Variants in CNIH3 observed in about 807,000 individuals in gnomAD.
The protein encoded by CNIH3 is cornichon family AMPA receptor auxiliary protein 3.
Under a neutral mutation model 24.1 loss-of-function variants are expected in CNIH3, and 14 were observed. That is an observed-to-expected ratio of 0.58 (90% CI 0.38 to 0.91). The LOEUF (loss-of-function observed/expected upper bound fraction) is 0.91. CNIH3 is among the 40% of genes least tolerant of loss of function. The probability of loss-of-function intolerance (pLI) is 0.00; values close to 1 mark genes in which losing one functional copy is unlikely to be tolerated. For missense variants in CNIH3, 178 were observed against 196.8 expected (o/e 0.90, Z 0.57); for synonymous variants, 68 against 73.8 (o/e 0.92, Z 0.40).
At chr1:224,455,396 T>C (rs1408196713) in intron 1 of CNIH3, among the ~76,000 whole-genome samples, 1 of 152,196 alleles carries the variant, frequency 6.6e-6, no homozygotes, top group Non-Finnish European at 1.5e-5. Context: ...CAGTGAAGTC[T>C]GTCTTGGCCT....
intron 5 of CNIH3, among the ~76,000 whole-genome samples, chr1:224,583,921 C>T (rs1198070359): frequency 6.6e-6 from 1 of 152,186 alleles, no homozygotes; most frequent in African/African-American, 2.4e-5. Context: ...TGATATTAGA[C>T]CAGTCGCTGC....
chr1:224,517,983 C>T (rs1447069971), intron 1 of CNIH3, among the ~76,000 whole-genome samples: 3 of 152,174 alleles, frequency 2.0e-5, no homozygotes, highest in South Asian at 2.1e-4. Flanking sequence ...CTTGATAAAC[C>T]GAGCGATCCT....
chr1:224,588,377 A>G (rs1681599005), exon 6 of CNIH3: 1 of 152,190 alleles, frequency 6.6e-6, no homozygotes, highest in East Asian at 1.9e-4. Flanking sequence ...TGCCTCAGAC[A>G]TGCATACGGC....
intron 1 of CNIH3, among the ~76,000 whole-genome samples, chr1:224,675,676 A>G (rs1367131119): frequency 2.6e-5 from 4 of 152,366 alleles, no homozygotes; most frequent in African/African-American, 9.6e-5. Flanking sequence ...TTGGACACAC[A>G]TTTCATCAAA....
intron 3 of CNIH3, among the ~76,000 whole-genome samples, chr1:224,710,544 G>A (rs113591275): frequency 3.5e-4 from 53 of 152,246 alleles, no homozygotes; most frequent in African/African-American, 1.2e-3. Flanking sequence ...TAAAGGACTT[G>A]GCATGGCTCC....
chr1:224,709,658 G>A (rs1223502714), intron 3 of CNIH3, among the ~76,000 whole-genome samples: 1 of 152,190 alleles, frequency 6.6e-6, no homozygotes, highest in Non-Finnish European at 1.5e-5. Flanking sequence ...GGCAAGTCCA[G>A]GAGCAAGAGA....
At chr1:224,699,152 C>T (rs1687339230) in intron 3 of CNIH3, among the ~76,000 whole-genome samples, 1 of 152,230 alleles carries the variant, frequency 6.6e-6, no homozygotes, top group South Asian at 2.1e-4. Context: ...CCTGGACATT[C>T]CCGGGCATAA....
chr1:224,475,504 A>G (rs547267776), intron 1 of CNIH3, among the ~76,000 whole-genome samples: 44 of 152,338 alleles, frequency 2.9e-4, no homozygotes, highest in Middle Eastern at 6.8e-3. Context: ...ATAAATTCCT[A>G]GATACATACA....
At chr1:224,568,850 C>G (rs1007843492) in intron 4 of CNIH3, among the ~76,000 whole-genome samples, 1 of 152,070 alleles carries the variant, frequency 6.6e-6, no homozygotes, top group Non-Finnish European at 1.5e-5. Flanking sequence ...TCAGATGTAG[C>G]TATTCTCCTG....
chr1:224,616,327 A>AGGCGGCGGC lies in CNIH3; in HGVS notation c.-835_-827dup, dbSNP rs905219383. ...ACCGCTACAGTTCTCGCAGTGGCAA[A>AGGCGGCGGC]GGCGGCGGCGGCGGCGGCGGCAGCG... On this transcript the variant is annotated 5_prime_UTR_variant, in exon 1 of 6. Coordinates refer to ENST00000272133, the MANE Select transcript of CNIH3 (RefSeq NM_152495.2). 9.1e-5 allele frequency: 33 copies of AGGCGGCGGC among 362,776 alleles called. 1 individual carries two copies. The highest frequency in any genetic ancestry group is 3.9e-4 in the African/African-American group (17 of 43,204). The allele number at this position is 362,776 out of a possible 1,614,324, so 22.5% of individuals were successfully genotyped here. A position where few individuals can be genotyped will look rare whatever the true frequency, so the allele number is the denominator to read the frequency against.
At chr1:224,576,505 G>C (rs577616133) in intron 4 of CNIH3, among the ~76,000 whole-genome samples, 65 of 152,052 alleles carry the variant, frequency 4.3e-4, no homozygotes, top group Non-Finnish European at 8.4e-4. Context: ...TTTGGTAGTA[G>C]GAATAATCTA....
intron 3 of CNIH3, among the ~76,000 whole-genome samples, chr1:224,685,510 C>T (rs1330712538): frequency 6.6e-6 from 1 of 152,176 alleles, no homozygotes; most frequent in Non-Finnish European, 1.5e-5. Context: ...GTGCTTTTTG[C>T]AGCAAAATAT....
chr1:224,452,613 C>G (rs1258104747), intron 1 of CNIH3, among the ~76,000 whole-genome samples: 2 of 151,108 alleles, frequency 1.3e-5, no homozygotes, highest in Middle Eastern at 3.2e-3. Flanking sequence ...AACCCCGTCT[C>G]TACTAAAAAT....
At chr1:224,470,342 T>C (rs1558087891) in intron 1 of CNIH3, among the ~76,000 whole-genome samples, 1 of 137,708 alleles carries the variant, frequency 7.3e-6, no homozygotes, top group African/African-American at 2.8e-5. Context: ...TTTTAAGAGG[T>C]AGTGTCTCAC....
chr1:224,609,318 T>A (rs1053701754), intron 3 of CNIH3, among the ~76,000 whole-genome samples: 5 of 152,202 alleles, frequency 3.3e-5, no homozygotes, highest in African/African-American at 9.7e-5. Context: ...CTACATCTTT[T>A]AAAATTTTAT....
At chr1:224,655,435 G>T (rs1269844204) in intron 1 of CNIH3, among the ~76,000 whole-genome samples, 1 of 152,104 alleles carries the variant, frequency 6.6e-6, no homozygotes, top group Non-Finnish European at 1.5e-5. Context: ...GGAGGCTTTT[G>T]AGCGCAGTTA....
At chr1:224,446,020 C>A (rs1675148503) in intron 1 of CNIH3, among the ~76,000 whole-genome samples, 1 of 152,156 alleles carries the variant, frequency 6.6e-6, no homozygotes, top group African/African-American at 2.4e-5. Flanking sequence ...TCCCCCCTAT[C>A]TTGCAGTGGT....
upstream of CNIH3, among the ~76,000 whole-genome samples, chr1:224,614,912 C>T (rs1450309623): frequency 6.6e-6 from 1 of 151,630 alleles, no homozygotes; most frequent in African/African-American, 2.4e-5. Context: ...TGCACTCCAG[C>T]CTGGCGACAA....
In CNIH3 at chr1:224,526,462, G is replaced by T. The variant is rs145368426; in HGVS notation, n.343+5135G>T. Among the ~76,000 whole-genome samples the T allele has an allele frequency of 5.0e-3, 758 of 152,264 alleles. 10 individuals carry two copies. The highest frequency in any genetic ancestry group is 0.016 in the African/African-American group (674 of 41,550). On this transcript the variant is annotated intron_variant and non_coding_transcript_variant, in intron 2 of 2. Transcript: ENST00000470602. ...AAGCAGAGAGCTCCCACCAGACACC[G>T]GAGCTGCTCGTGCCTGAGCTTGGAC...
Sources: gnomAD v4.1 joint callset for allele counts (sites outside exome capture counted in the v4.1 genomes callset) on GRCh38, gnomAD v4.1.1 for gene constraint, MANE v1.5 for transcripts, NCBI Gene and HGNC (gene_info 2026-07-23, HGNC 2026-07-21) for gene names.